Variants in AUTS2 observed in about 807,000 individuals in gnomAD.
AUTS2 encodes the protein activator of transcription and developmental regulator AUTS2.
AUTS2 carries 17 observed loss-of-function variants against 112.4 expected under a neutral mutation model. That is an observed-to-expected ratio of 0.15 (90% confidence interval 0.10 to 0.23). AUTS2 has a LOEUF of 0.23. Ranked by LOEUF, AUTS2 falls within the 10% of genes least tolerant of loss-of-function variation. The probability of loss-of-function intolerance (pLI) is 1.00; values close to 1 mark genes in which losing one functional copy is unlikely to be tolerated. For missense variants in AUTS2, 1,510 were observed against 1,701.6 expected (o/e 0.89, Z 1.98); for synonymous variants, 751 against 702.7 (o/e 1.07, Z -1.09).
At chr7:70,310,882 T>C (rs1340833581) in intron 4 of AUTS2, among the ~76,000 whole-genome samples, 1 of 152,042 alleles carries the variant, frequency 6.6e-6, no homozygotes, top group Non-Finnish European at 1.5e-5. Context: ...CCTACTGGGG[T>C]TTTTAAATGT....
Position 70,732,519 on chromosome 7 carries a change from C to A in AUTS2, c.743-30351C>A, listed in dbSNP as rs1056946124. Among the ~76,000 whole-genome samples the A allele has an allele frequency of 2.6e-5, 4 of 152,132 alleles. No individual in the cohort carries two copies. The East Asian group carries it at 7.7e-4, about 29-fold the overall frequency. ...TCCTAGCAGTGCTATTTGTCAAGAC[C>A]CCTGTCTGTCTCCCCTGACAGAAAC... On this transcript the variant is annotated intron_variant, in intron 6 of 18. Coordinates refer to ENST00000342771, the MANE Select transcript of AUTS2 (RefSeq NM_015570.4).
intron 6 of AUTS2, among the ~76,000 whole-genome samples, chr7:70,750,019 C>T (rs989744825): frequency 6.6e-6 from 1 of 152,214 alleles, no homozygotes; most frequent in Non-Finnish European, 1.5e-5. Context: ...TAATCACCCT[C>T]CTGCTCTGCA....
intron 1 of AUTS2, among the ~76,000 whole-genome samples, chr7:69,791,208 G>A (rs1466636207): frequency 6.6e-5 from 10 of 152,084 alleles, no homozygotes; most frequent in Non-Finnish European, 1.3e-4. Flanking sequence ...GTGTTCCCTC[G>A]ACTGAATGGG....
At chr7:70,764,003 A>T (rs990342714) in intron 7 of AUTS2, among the ~76,000 whole-genome samples, 4 of 152,218 alleles carry the variant, frequency 2.6e-5, no homozygotes, top group Admixed American at 2.6e-4. Context: ...CAAAGAAAAG[A>T]GAGGCAGAAA....
intron 5 of AUTS2, among the ~76,000 whole-genome samples, chr7:70,469,841 G>C (rs1797311110): frequency 6.6e-6 from 1 of 152,100 alleles, no homozygotes; most frequent in East Asian, 1.9e-4. Flanking sequence ...GGTTTTGCCA[G>C]GTTGGCCAGG....
At chr7:70,693,420 GGGTGT>G (rs1808860231) in intron 5 of AUTS2, among the ~76,000 whole-genome samples, 1 of 152,204 alleles carries the variant, frequency 6.6e-6, no homozygotes, top group Admixed American at 6.5e-5. Context: ...TGTGGATGCA[GGGTGT>G]GCACGTGTCA....
chr7:70,328,215 G>C (rs1790580269), intron 4 of AUTS2, among the ~76,000 whole-genome samples: 1 of 152,050 alleles, frequency 6.6e-6, no homozygotes, highest in Non-Finnish European at 1.5e-5. Flanking sequence ...TGTTTGATTT[G>C]TGTGTGGTTT....
chr7:70,546,949 T>C (rs1229265231), intron 5 of AUTS2, among the ~76,000 whole-genome samples: 2 of 152,250 alleles, frequency 1.3e-5, no homozygotes, highest in African/African-American at 4.8e-5. Context: ...GTTTGATTTC[T>C]TTTCAAATCA....
intron 5 of AUTS2, among the ~76,000 whole-genome samples, chr7:70,485,975 A>G (rs1219132922): frequency 2.6e-5 from 4 of 151,538 alleles, no homozygotes; most frequent in African/African-American, 9.7e-5. Flanking sequence ...GTTGAAGAAA[A>G]AAACCTTAAT....
intron 1 of AUTS2, among the ~76,000 whole-genome samples, chr7:69,697,120 A>G (rs1327307828): frequency 6.6e-6 from 1 of 152,222 alleles, no homozygotes; most frequent in Middle Eastern, 3.2e-3. Flanking sequence ...GACCTCATCC[A>G]TAGTTTCTGA....
chr7:70,629,605 C>T (rs776133091), intron 5 of AUTS2, among the ~76,000 whole-genome samples: 7 of 152,150 alleles, frequency 4.6e-5, no homozygotes, highest in African/African-American at 7.2e-5. Context: ...GAGGCAGGCG[C>T]GTCTCAGATC....
chr7:70,358,985 C>T (rs1484941336), intron 4 of AUTS2, among the ~76,000 whole-genome samples: 1 of 152,170 alleles, frequency 6.6e-6, no homozygotes, highest in Non-Finnish European at 1.5e-5. Context: ...CAGCTGGGGT[C>T]TTGTGCAAAA....
At chr7:70,634,641 T>A (rs1805443144) in intron 5 of AUTS2, among the ~76,000 whole-genome samples, 1 of 152,128 alleles carries the variant, frequency 6.6e-6, no homozygotes. Flanking sequence ...ATAACCACGA[T>A]GAGGAGAAAG....
intron 3 of AUTS2, among the ~76,000 whole-genome samples, chr7:70,123,781 TG>T (rs1340150518): frequency 6.6e-6 from 1 of 152,226 alleles, no homozygotes; most frequent in South Asian, 2.1e-4. Flanking sequence ...CCCGTGTATT[TG>T]CTATTGTGAG....
At chr7:69,910,872 C>T (rs1360487742) in intron 2 of AUTS2, among the ~76,000 whole-genome samples, 11 of 152,250 alleles carry the variant, frequency 7.2e-5, no homozygotes, top group South Asian at 2.1e-4. Context: ...GTGATCCGCC[C>T]GCCTCGGCCT....
chr7:70,255,199 G>A (rs923615179), intron 4 of AUTS2, among the ~76,000 whole-genome samples: 2 of 149,894 alleles, frequency 1.3e-5, no homozygotes, highest in African/African-American at 2.5e-5. Context: ...TCAGCCTCCC[G>A]AGTAGTGGGG....
intron 2 of AUTS2, among the ~76,000 whole-genome samples, chr7:70,011,662 T>C (rs1247224982): frequency 1.3e-5 from 2 of 152,200 alleles, no homozygotes; most frequent in Non-Finnish European, 2.9e-5. Context: ...ATGAGTCTTT[T>C]GGACTGGTGG....
At chr7:70,608,151 T>C (rs150199527) in intron 5 of AUTS2, among the ~76,000 whole-genome samples, 1 of 152,152 alleles carries the variant, frequency 6.6e-6, no homozygotes, top group Admixed American at 6.6e-5. Context: ...TTGCCCAGGA[T>C]GGACAGCAAT....
intron 1 of AUTS2, among the ~76,000 whole-genome samples, chr7:69,787,684 G>C (rs368808743): frequency 6.6e-6 from 1 of 152,302 alleles, no homozygotes; most frequent in African/African-American, 2.4e-5. Flanking sequence ...ATCCCAAGAA[G>C]CTGGGATTAC....
Sources: allele counts gnomAD v4.1 joint callset (sites outside exome capture counted in the v4.1 genomes callset), GRCh38; gene constraint gnomAD v4.1.1; transcripts MANE v1.5; gene names NCBI Gene and HGNC (gene_info 2026-07-23, HGNC 2026-07-21).